NCOR2: variants seen among roughly 807,000 people sequenced by gnomAD.
NCOR2 encodes nuclear receptor corepressor 2, also known as CTG repeat protein 26.
Under a neutral mutation model 262.9 loss-of-function variants are expected in NCOR2, and 81 were observed. The ratio of observed to expected loss-of-function variants is 0.31; its 90% CI spans 0.26 to 0.37. The LOEUF (loss-of-function observed/expected upper bound fraction) is 0.37. Among genes scored for constraint, NCOR2 ranks in the 10% least tolerant of loss-of-function variants. The pLI is 1.00. For synonymous variants in NCOR2, 1,659 were observed against 1,559.3 expected (o/e 1.06, Z -1.51); for missense variants, 3,385 against 3,621.4 (o/e 0.93, Z 1.68).
At chr12:124,354,718 G>T (rs1156607057) in intron 25 of NCOR2, 119 bp downstream of exon 27, 4 of 1,283,208 alleles carry the variant, frequency 3.1e-6, no homozygotes, top group African/African-American at 1.5e-5. Context: ...GCTGAGGGGG[G>T]ACCTCCCAGC....
chr12:124,554,986 G>A (rs1288984084), intron 1 of NCOR2, among the ~76,000 whole-genome samples: 1 of 152,194 alleles, frequency 6.6e-6, no homozygotes, highest in Non-Finnish European at 1.5e-5. Flanking sequence ...ACTGTCCCTG[G>A]TCACTCCTGA....
intron 35 of NCOR2, 46 bp from the exon 38 acceptor site, chr12:124,340,489 A>G: frequency 6.3e-7 from 1 of 1,594,222 alleles, no homozygotes; most frequent in Non-Finnish European, 8.5e-7. Flanking sequence ...GCCGAAGAAG[A>G]GCCTGGCTTT....
chr12:124,431,742 G>A (rs927624209), intron 8 of NCOR2, among the ~76,000 whole-genome samples: 44 of 148,318 alleles, frequency 3.0e-4, no homozygotes, highest in South Asian at 6.5e-4. Flanking sequence ...TCACCCACAC[G>A]GTACACACAC....
intron 16 of NCOR2, among the ~76,000 whole-genome samples, chr12:124,391,449 C>T (rs1051617605): frequency 6.6e-6 from 1 of 152,124 alleles, no homozygotes; most frequent in Admixed American, 6.6e-5. Context: ...AGAACCCAGC[C>T]GTCTTGGGCC....
chr12:124,388,871 A>C, intron 16 of NCOR2: 26 of 109,598 alleles, frequency 2.4e-4, no homozygotes, highest in Non-Finnish European at 4.5e-4. Flanking sequence ...ACGGTGAGGG[A>C]GGGAGGGAGG....
chr12:124,465,647 T>C (rs2046380010), intron 5 of NCOR2, among the ~76,000 whole-genome samples: 1 of 151,856 alleles, frequency 6.6e-6, no homozygotes, highest in Non-Finnish European at 1.5e-5. Context: ...AGCCCACAGG[T>C]TCAAATCCAG....
At chr12:124,348,127 C>A (rs544165647) in intron 29 of NCOR2, 47 bp downstream of exon 31, 10 of 1,602,634 alleles carry the variant, frequency 6.2e-6, no homozygotes, top group Middle Eastern at 1.7e-4. Flanking sequence ...ATCCCCCCAC[C>A]GCCCACCAGG....
chr12:124,500,337 T>C (rs545657276), intron 1 of NCOR2, among the ~76,000 whole-genome samples: 208 of 152,268 alleles, frequency 1.4e-3, no homozygotes, highest in Admixed American at 2.4e-3. Context: ...CCCTGGGCCA[T>C]GCCTGCCAGG....
chr12:124,332,058 A>G (rs749505554), intron 43 of NCOR2: 234 of 473,876 alleles, frequency 4.9e-4, no homozygotes, highest in Non-Finnish European at 7.6e-4. Context: ...GTATTCATGC[A>G]GGTATTCACT....
chr12:124,561,559 G>C (rs185138670), intron 1 of NCOR2, among the ~76,000 whole-genome samples: 65 of 152,306 alleles, frequency 4.3e-4, no homozygotes, highest in African/African-American at 1.3e-3. Context: ...GGTGGGAGAG[G>C]AAGTGGGGGA....
Position 124,417,449 on chromosome 12 carries a change from G to A in NCOR2, c.1482+2508C>T, listed in dbSNP as rs565061668. 2.6e-5 allele frequency among the ~76,000 whole-genome samples: 4 copies of A among 152,240 alleles called. No individual in the cohort carries two copies. The East Asian group carries it at 7.7e-4, about 29-fold the overall frequency. The stretch of plus-strand genomic sequence containing the variant: ...AATGTGGCTCTCACACAGGGGGAGG[G>A]GATGGGCCTCTGCTCTTCAGAGCCC... On this transcript the variant is annotated intron_variant, in intron 13 of 46. Transcript: ENST00000405201.
intron 13 of NCOR2, among the ~76,000 whole-genome samples, chr12:124,419,605 G>A (rs1233834685): frequency 1.3e-5 from 2 of 152,174 alleles, no homozygotes; most frequent in Non-Finnish European, 2.9e-5. Flanking sequence ...AAGTCATCCT[G>A]GGAAGCTCTT....
At chr12:124,344,928 G>T in exon 32 of NCOR2, 2 of 1,559,426 alleles carry the variant, frequency 1.3e-6, no homozygotes. Context: ...TGGACGCGCC[G>T]GTGTCGTACT....
chr12:124,515,633 G>A (rs935890697), intron 1 of NCOR2, among the ~76,000 whole-genome samples: 7 of 135,322 alleles, frequency 5.2e-5, no homozygotes, highest in African/African-American at 1.0e-4. Context: ...GTGTGTGCAC[G>A]ACTGTGAGTG....
intron 20 of NCOR2, among the ~76,000 whole-genome samples, chr12:124,366,270 G>A (rs1458279042): frequency 6.6e-6 from 1 of 152,194 alleles, no homozygotes; most frequent in African/African-American, 2.4e-5. Flanking sequence ...AAAGGCATGA[G>A]GCTCTGACAC....
chr12:124,475,189 T>C (rs750818539), intron 3 of NCOR2, among the ~76,000 whole-genome samples: 1 of 151,998 alleles, frequency 6.6e-6, no homozygotes, highest in Non-Finnish European at 1.5e-5. Flanking sequence ...ACACACGGAC[T>C]CCTCGAGGGA....
chr12:124,525,965 A>G (rs2050446225), intron 1 of NCOR2, among the ~76,000 whole-genome samples: 1 of 152,170 alleles, frequency 6.6e-6, no homozygotes, highest in African/African-American at 2.4e-5. Context: ...AATTGTAGTT[A>G]ATGTTAATAA....
In NCOR2 at chr12:124,350,692, T is replaced by C. The variant is rs765898416; in HGVS notation, c.3739A>G (p.Ile1247Val). Residue 1247 changes from isoleucine to valine, a missense_variant, in exon 28 of 47, where the codon ATC (isoleucine) becomes GTC (valine). Physicochemically the swap from Ile to Val is conservative, Grantham distance 29 (BLOSUM62 3). This residue lies in a region of NCOR2 where 1,615 missense variants were observed against 1,626.9 expected (regional missense o/e 0.99). Transcript: ENST00000405201. ...AAGCGACTCGGGCTGTCCTCGCCGA[T>C]GATCCTGGTGATGGTGCCCTTGTAC... 4 of 1,613,420 alleles carry C rather than the reference T, an allele frequency of 2.5e-6. No individual in the cohort carries two copies. Among genetic ancestry groups the C allele is most frequent in the East Asian group, 4.5e-5 (2 of 44,880 alleles).
At chr12:124,511,808 G>A (rs949005148) in intron 1 of NCOR2, among the ~76,000 whole-genome samples, 1 of 152,190 alleles carries the variant, frequency 6.6e-6, no homozygotes, top group Non-Finnish European at 1.5e-5. Context: ...ACCAACCCCC[G>A]CCAGGGCCAG....
Sources: allele counts gnomAD v4.1 joint callset (sites outside exome capture counted in the v4.1 genomes callset), GRCh38; gene constraint gnomAD v4.1.1; regional missense constraint gnomAD v4.1.1; transcripts MANE v1.5; gene names NCBI Gene and HGNC (gene_info 2026-07-23, HGNC 2026-07-21).